The following CLASP2 variants were observed in gnomAD, a reference collection of about 807,000 sequenced individuals.
CLASP2 encodes the protein cytoplasmic linker associated protein 2.
Under a neutral mutation model 194.4 loss-of-function variants are expected in CLASP2, and 47 were observed. That is an observed-to-expected ratio of 0.24 (90% CI 0.19 to 0.31). The LOEUF (loss-of-function observed/expected upper bound fraction) is 0.31, where lower values mean the gene tolerates loss of function less well. Ranked by LOEUF, CLASP2 falls within the 10% of genes least tolerant of loss-of-function variation. CLASP2 has a pLI of 1.00. For synonymous variants in CLASP2, 619 were observed against 633.5 expected (o/e 0.98, Z 0.34); for missense variants, 1,445 against 1,823.6 (o/e 0.79, Z 3.78).
At chr3:33,578,442 CTTTAA>C (rs1373627728) in intron 23 of CLASP2, among the ~76,000 whole-genome samples, 15 of 152,082 alleles carry the variant, frequency 9.9e-5, no homozygotes, top group Admixed American at 9.8e-4. Flanking sequence ...AAATACATTA[CTTTAA>C]TTTAGAAAGT....
chr3:33,585,455 A>C (rs778231795), intron 21 of CLASP2, among the ~76,000 whole-genome samples: 1 of 152,220 alleles, frequency 6.6e-6, no homozygotes, highest in African/African-American at 2.4e-5. Context: ...CCTAGGCTAC[A>C]AATCCTATAC....
At chr3:33,551,483 A>T in intron 29 of CLASP2, 88 bp from the exon 30 acceptor site, 1 of 1,333,050 alleles carries the variant, frequency 7.5e-7, no homozygotes, top group Non-Finnish European at 1.0e-6. Context: ...GGTGATGATG[A>T]TGATTTTTTT....
intron 23 of CLASP2, 151 bp from the exon 24 acceptor site, chr3:33,576,426 A>G (rs1327671103): frequency 1.7e-6 from 1 of 576,150 alleles, no homozygotes; most frequent in African/African-American, 1.9e-5. Context: ...GGGCACATTT[A>G]GTTTTTGGCA....
In CLASP2 at chr3:33,611,983, A is replaced by C; in HGVS notation, c.1388+18T>G. On this transcript the variant is annotated intron_variant, in intron 13 of 38. Transcript: ENST00000682230. ...CAGAGCTATACTAACAACAACAACA[A>C]CAAAAAATTAAACTTACCTCCTCAC... is the stretch of plus-strand genomic sequence containing the variant. 1 of 1,565,038 alleles carries C rather than the reference A, an allele frequency of 6.4e-7. No individual in the cohort carries two copies.
At chr3:33,710,363 G>C (rs1441600829) in intron 1 of CLASP2, among the ~76,000 whole-genome samples, 1 of 152,062 alleles carries the variant, frequency 6.6e-6, no homozygotes, top group East Asian at 1.9e-4. Flanking sequence ...TCATAAGCAG[G>C]CTAGCCATAA....
chr3:33,622,060 G>T, intron 11 of CLASP2, 75 bp downstream of exon 11: 2 of 1,132,944 alleles, frequency 1.8e-6, no homozygotes, highest in Non-Finnish European at 2.4e-6. Flanking sequence ...GCTACTGCTT[G>T]ACTTAATGAG....
At chr3:33,712,166 T>C (rs1410386558) in intron 1 of CLASP2, among the ~76,000 whole-genome samples, 1 of 152,234 alleles carries the variant, frequency 6.6e-6, no homozygotes, top group African/African-American at 2.4e-5. Flanking sequence ...ACATACACCA[T>C]GGATTACTTC....
chr3:33,622,685 A>G (rs1293487589), intron 10 of CLASP2, among the ~76,000 whole-genome samples: 1 of 152,218 alleles, frequency 6.6e-6, no homozygotes. Context: ...AAAGTATACA[A>G]TTCAGTGGCA....
At chr3:33,520,840 C>T (rs2052830584) in intron 34 of CLASP2, among the ~76,000 whole-genome samples, 3 of 151,562 alleles carry the variant, frequency 2.0e-5, no homozygotes, top group African/African-American at 7.3e-5. Context: ...CACACACACA[C>T]ACACACACAC....
chr3:33,633,524 G>A (rs932441154), intron 8 of CLASP2, among the ~76,000 whole-genome samples: 4 of 152,160 alleles, frequency 2.6e-5, no homozygotes, highest in African/African-American at 9.7e-5. Context: ...AAATACACAA[G>A]AAGGCAAGAG....
At chr3:33,623,482 A>ATT (rs869217111) in intron 10 of CLASP2, among the ~76,000 whole-genome samples, 1 of 144,274 alleles carries the variant, frequency 6.9e-6, no homozygotes, top group Non-Finnish European at 1.5e-5. Flanking sequence ...CTCAAGTTCA[A>ATT]TTTTTTTTTT....
In CLASP2 at chr3:33,544,791, A is replaced by G. The variant is rs370718492; in HGVS notation, c.3204T>C (p.Phe1068=). 9.3e-6 allele frequency: 15 copies of G among 1,613,294 alleles called. No homozygotes were observed. In the African/African-American group the frequency reaches 1.9e-4, roughly 20 times the overall value. Residue 1068 remains phenylalanine, a synonymous_variant, in exon 31 of 39, where the codon TTT becomes TTC. Transcript: ENST00000682230. ...ISLFELNTPE[F]TMLLGALPKT... ...TTGGTAAAGCTCCTAATAACATTGT[A>G]AACTCTGGGGTATTGAGTTCAAATA...
chr3:33,644,667 A>T (rs1447010134), intron 8 of CLASP2, 90 bp downstream of exon 8: 2 of 1,397,132 alleles, frequency 1.4e-6, no homozygotes, highest in Non-Finnish European at 2.0e-6. Context: ...TGCAGTCATG[A>T]ATAAACATAT....
intron 6 of CLASP2, among the ~76,000 whole-genome samples, chr3:33,677,703 A>G (rs2089015521): frequency 6.6e-6 from 1 of 151,368 alleles, no homozygotes; most frequent in Non-Finnish European, 1.5e-5. Flanking sequence ...AAAGTATAAT[A>G]ATAATAAAAA....
intron 25 of CLASP2, among the ~76,000 whole-genome samples, chr3:33,571,275 A>T (rs1232342337): frequency 1.4e-5 from 2 of 147,722 alleles, no homozygotes; most frequent in Non-Finnish European, 3.0e-5. Context: ...AGCCTCCCAA[A>T]GTGCTGGGAT....
At chr3:33,662,899 A>T (rs2085511605) in intron 7 of CLASP2, among the ~76,000 whole-genome samples, 1 of 152,078 alleles carries the variant, frequency 6.6e-6, no homozygotes, top group Non-Finnish European at 1.5e-5. Context: ...AATCAAATCA[A>T]TACCAGATAT....
chr3:33,657,125 CGTAA>C (rs1374546327), intron 7 of CLASP2, among the ~76,000 whole-genome samples: 4 of 151,770 alleles, frequency 2.6e-5, no homozygotes, highest in African/African-American at 7.3e-5. Flanking sequence ...TTTGTAAGTT[CGTAA>C]ATAAACAAAA....
In CLASP2 at chr3:33,696,846, T is replaced by C; in HGVS notation, c.274+9A>G. On this transcript the variant is annotated intron_variant, in intron 2 of 38. Transcript: ENST00000682230. ...TATTTAGAATTGTAAATAAACAAAG[T>C]TAACTTACCCATTGCTACATAGGAT... 6.5e-7 allele frequency: 1 copy of C among 1,546,050 alleles called. No individual in the cohort carries two copies. The highest frequency in any genetic ancestry group is 8.8e-7 in the Non-Finnish European group (1 of 1,132,668).
chr3:33,654,083 C>T (rs1036269024), intron 7 of CLASP2, among the ~76,000 whole-genome samples: 1 of 150,324 alleles, frequency 6.7e-6, no homozygotes, highest in Non-Finnish European at 1.5e-5. Context: ...ACCGTTAACA[C>T]CACAGTAAAG....
Sources: gnomAD v4.1 joint callset for allele counts (sites outside exome capture counted in the v4.1 genomes callset) on GRCh38, gnomAD v4.1.1 for gene constraint, MANE v1.5 for transcripts, NCBI Gene and HGNC (gene_info 2026-07-23, HGNC 2026-07-21) for gene names.